The following KIF24 variants were observed in gnomAD, a reference collection of about 807,000 sequenced individuals.
KIF24 encodes kinesin family member 24.
Under a neutral mutation model 118.9 loss-of-function variants are expected in KIF24, and 81 were observed. The observed-to-expected ratio is 0.68, with a 90% confidence interval of 0.57 to 0.82. The LOEUF is 0.82. Among genes scored for constraint, KIF24 ranks in the 40% least tolerant of loss-of-function variants. The pLI is 0.00. For missense variants in KIF24, 1,560 were observed against 1,661.6 expected, an observed-to-expected ratio of 0.94 and a Z score of 1.06; for synonymous variants, 599 against 610.0, an observed-to-expected ratio of 0.98 and a Z score of 0.27.
intron 3 of KIF24, among the ~76,000 whole-genome samples, chr9:34,299,804 ATGTGTGTGTGTGTGTG>A (rs750264704): frequency 4.1e-5 from 5 of 123,204 alleles, no homozygotes; most frequent in Admixed American, 3.6e-4. Context: ...GGCTACCAAG[ATGTGTGTGTGTGTGTG>A]TGCGTGTGTG....
Position 34,273,253 on chromosome 9 carries a change from T to G in KIF24, c.1216-1323A>C, listed in dbSNP as rs184293631. On this transcript the variant is annotated intron_variant, in intron 6 of 12. Coordinates refer to ENST00000402558, the MANE Select transcript of KIF24 (RefSeq NM_194313.4). ...GCTGCCCAGGCTGATCTCGAAGTCCTGGGCTCAAGCAATCCTCCCACCTCG... is the reference window on the plus strand; with the variant it reads ...GCTGCCCAGGCTGATCTCGAAGTCCGGGGCTCAAGCAATCCTCCCACCTCG... Among the ~76,000 whole-genome samples, 863 of 151,972 alleles carry G rather than the reference T, an allele frequency of 5.7e-3. 4 individuals carry two copies. The highest frequency in any genetic ancestry group is 0.02 in the Middle Eastern group (6 of 294).
chr9:34,281,468 T>C (rs779920466), intron 6 of KIF24, among the ~76,000 whole-genome samples: 3 of 152,240 alleles, frequency 2.0e-5, no homozygotes, highest in Non-Finnish European at 4.4e-5. Flanking sequence ...GGTTATCACT[T>C]GATTTTAACC....
chr9:34,291,532 T>C (rs953045634), intron 4 of KIF24, among the ~76,000 whole-genome samples: 3 of 152,224 alleles, frequency 2.0e-5, no homozygotes, highest in Admixed American at 6.5e-5. Flanking sequence ...GTGAGAATCA[T>C]TGCTCTTGTA....
chr9:34,257,280 A>C lies in KIF24; in HGVS notation c.2327T>G (p.Leu776Arg). Residue 776 changes from leucine (L) to arginine (R), a missense_variant, in exon 11 of 13, where the codon CTC becomes CGC. Around this residue, in one of 3 missense-constraint regions of KIF24, gnomAD observed 964 missense variants for 988.0 expected, o/e 0.98. Coordinates refer to ENST00000402558, the MANE Select transcript of KIF24 (RefSeq NM_194313.4). ...FYHQQFQQPP[L>R]LQQKLKYQPL... Reference sequence around the variant, plus strand: ...TTGGTATTTTAACTTCTGTTGGAGGAGAGGTGGCTGTTGGAACTGCTGGTG... The same window carrying C: ...TTGGTATTTTAACTTCTGTTGGAGGCGAGGTGGCTGTTGGAACTGCTGGTG... The C allele has an allele frequency of 1.2e-6, 2 of 1,613,998 alleles. No homozygotes were observed. Among genetic ancestry groups the C allele is most frequent in the Non-Finnish European group, 1.7e-6 (2 of 1,179,894 alleles).
At chr9:34,283,273 G>C (rs1251274629) in intron 6 of KIF24, among the ~76,000 whole-genome samples, 3 of 151,712 alleles carry the variant, frequency 2.0e-5, no homozygotes, top group Non-Finnish European at 4.4e-5. Context: ...AGGAGACTGA[G>C]GTGGGAAGGA....
chr9:34,313,184 C>T (rs1343076763), intron 1 of KIF24, among the ~76,000 whole-genome samples: 1 of 152,182 alleles, frequency 6.6e-6, no homozygotes, highest in African/African-American at 2.4e-5. Context: ...CTCAAGGGCC[C>T]AGCCAACAGC....
chr9:34,263,716 C>T (rs969542274), intron 8 of KIF24, among the ~76,000 whole-genome samples: 1 of 149,760 alleles, frequency 6.7e-6, no homozygotes. Flanking sequence ...CCTACCCCCT[C>T]GTTTTATTTA....
intron 3 of KIF24, among the ~76,000 whole-genome samples, chr9:34,297,813 G>C (rs1372039632): frequency 1.3e-5 from 2 of 151,414 alleles, no homozygotes; most frequent in Non-Finnish European, 2.9e-5. Flanking sequence ...TCTCAATTCT[G>C]TAGATTACAC....
intron 6 of KIF24, among the ~76,000 whole-genome samples, chr9:34,276,002 G>A (rs1835646600): frequency 6.6e-6 from 1 of 152,214 alleles, no homozygotes; most frequent in African/African-American, 2.4e-5. Context: ...AACATCTGCT[G>A]TGTGGCAGAG....
At chr9:34,322,196 G>A (rs778031828) in intron 1 of KIF24, among the ~76,000 whole-genome samples, 7 of 152,140 alleles carry the variant, frequency 4.6e-5, no homozygotes, top group Non-Finnish European at 8.8e-5. Flanking sequence ...AAACAGAGTA[G>A]TGGCTGTCCC....
chr9:34,253,787 T>C lies in KIF24; in HGVS notation c.*593A>G, dbSNP rs1834704582. On this transcript the variant is annotated 3_prime_UTR_variant, in exon 13 of 13. Coordinates refer to ENST00000402558, the MANE Select transcript of KIF24 (RefSeq NM_194313.4). ...CACATCTGCTGCTGTCAGTGACACATCAAGTCAAGGTTTATGCTATTTACA... is the reference window on the plus strand; with the variant it reads ...CACATCTGCTGCTGTCAGTGACACACCAAGTCAAGGTTTATGCTATTTACA... 5.9e-5 allele frequency: 9 copies of C among 152,200 alleles called. 1 individual carries two copies. The highest frequency in any genetic ancestry group is 5.9e-4 in the Admixed American group (9 of 15,278). The allele number at this position is 152,200 out of a possible 1,614,324, so 9.4% of individuals were successfully genotyped here. A position where few individuals can be genotyped will look rare whatever the true frequency, so the allele number is the denominator to read the frequency against.
chr9:34,277,014 T>C lies in KIF24; in HGVS notation c.1216-5084A>G, dbSNP rs145362169. Among the ~76,000 whole-genome samples the C allele has an allele frequency of 2.6e-5, 4 of 152,336 alleles. No homozygotes were observed. The East Asian group carries it at 7.7e-4, about 29-fold the overall frequency. On this transcript the variant is annotated intron_variant, in intron 6 of 12. Transcript: ENST00000402558. ...CACTTCATGTTTACACAGGCTGGGA[T>C]GCGATGCTGATGGATCATCATAGAT...
In KIF24 at chr9:34,318,894, A is replaced by G. The variant is rs1837420835; in HGVS notation, c.-25-7523T>C. The G allele has an allele frequency of 2.4e-5, 39 of 1,597,630 alleles. No individual in the cohort carries two copies. Among genetic ancestry groups the G allele is most frequent in the Admixed American group, 3.3e-5 (2 of 59,946 alleles). On this transcript the variant is annotated intron_variant, in intron 1 of 12. Coordinates refer to ENST00000402558, the MANE Select transcript of KIF24 (RefSeq NM_194313.4). This position sits in a 1 kb window ranked among gnomAD's most constrained non-coding sequence, Gnocchi z 4.9. The stretch of plus-strand genomic sequence containing the variant: ...TGCGAGCACTCCAAGATCAATTTCC[A>G]TGACAAGCGCAGTGCGCTGCAGTCC...
At chr9:34,287,075 G>GC (rs1480652411) in intron 5 of KIF24, among the ~76,000 whole-genome samples, 39 of 152,176 alleles carry the variant, frequency 2.6e-4, no homozygotes, top group Non-Finnish European at 8.8e-5. Context: ...GTGAAGTGAT[G>GC]CTCTCTCTCT....
chr9:34,322,057 A>AT (rs959319202), intron 1 of KIF24, among the ~76,000 whole-genome samples: 7 of 151,726 alleles, frequency 4.6e-5, no homozygotes, highest in African/African-American at 7.3e-5. Flanking sequence ...AAGTGTTTAA[A>AT]TTTTTTTTTA....
chr9:34,321,909 A>G (rs943860626), intron 1 of KIF24, among the ~76,000 whole-genome samples: 4 of 151,928 alleles, frequency 2.6e-5, no homozygotes, highest in Admixed American at 2.6e-4. Flanking sequence ...CCTGTCCTAC[A>G]TTATATTTTT....
At chr9:34,270,899 C>T (rs1228375930) in intron 7 of KIF24, among the ~76,000 whole-genome samples, 1 of 149,092 alleles carries the variant, frequency 6.7e-6, no homozygotes, top group African/African-American at 2.5e-5. Flanking sequence ...TGACAGATGT[C>T]GCAGCCAGAT....
At chr9:34,309,751 T>C (rs1837066557) in intron 2 of KIF24, among the ~76,000 whole-genome samples, 1 of 152,096 alleles carries the variant, frequency 6.6e-6, no homozygotes, top group Non-Finnish European at 1.5e-5. Flanking sequence ...TTTCAAATTA[T>C]TAAAGATATT....
chr9:34,259,688 G>GA lies in KIF24; in HGVS notation c.1532dup (p.Ile512HisfsTer20), dbSNP rs781716939. The GA allele has an allele frequency of 1.4e-5, 23 of 1,613,658 alleles. No individual in the cohort carries two copies. In the African/African-American group the frequency reaches 3.1e-4, roughly 22 times the overall value. ...TCATGCAGGTTTTGGCATTGCCGAT[G>GA]AAAGAGTCCTTCAGGACCTGTCCAA... On this transcript the variant is annotated frameshift_variant, in exon 10 of 13. Coordinates refer to ENST00000402558, the MANE Select transcript of KIF24 (RefSeq NM_194313.4). LOFTEE classifies it high-confidence loss of function.
Sources: gnomAD v4.1 joint callset for allele counts (sites outside exome capture counted in the v4.1 genomes callset) on GRCh38, gnomAD v4.1.1 for gene constraint, gnomAD v4.1.1 regional missense constraint, Gnocchi (gnomAD v3.1) non-coding constraint, MANE v1.5 for transcripts, NCBI Gene and HGNC (gene_info 2026-07-23, HGNC 2026-07-21) for gene names.